VSTM2L: variants seen among roughly 807,000 people sequenced by gnomAD.
The protein encoded by VSTM2L is V-set and transmembrane domain containing 2 like.
VSTM2L carries 9 observed loss-of-function variants against 19.9 expected under a neutral mutation model. That is an observed-to-expected ratio of 0.45 (90% CI 0.27 to 0.79). The LOEUF (loss-of-function observed/expected upper bound fraction) is 0.79. Ranked by LOEUF, VSTM2L falls within the 30% of genes least tolerant of loss-of-function variation. The pLI is 0.15. For missense variants in VSTM2L, 286 were observed against 295.5 expected, an observed-to-expected ratio of 0.97 and a Z score of 0.24; for synonymous variants, 127 against 133.8, an observed-to-expected ratio of 0.95 and a Z score of 0.35.
At chr20:37,934,951 G>A (rs764265495) in intron 3 of VSTM2L, among the ~76,000 whole-genome samples, 8 of 152,126 alleles carry the variant, frequency 5.3e-5, no homozygotes, top group African/African-American at 1.9e-4. Context: ...TGCCAAGGGC[G>A]CATCCATATC....
chr20:37,930,161 C>T (rs1041551217), intron 1 of VSTM2L, among the ~76,000 whole-genome samples: 1 of 152,228 alleles, frequency 6.6e-6, no homozygotes, highest in Non-Finnish European at 1.5e-5. Context: ...GCCCAGAAAC[C>T]CACTGTTCAA....
intron 3 of VSTM2L, among the ~76,000 whole-genome samples, chr20:37,941,062 C>A (rs922183305): frequency 6.6e-6 from 1 of 152,182 alleles, no homozygotes; most frequent in Non-Finnish European, 1.5e-5. Flanking sequence ...CTGAGTATGA[C>A]TTCAGTTGGA....
In VSTM2L at chr20:37,934,851, G is replaced by A. The variant is rs187263497; in HGVS notation, c.342+1262G>A. ...AGCAAGGATCTTCAAAGCATCATTT[G>A]TGCTGTCTGGCCCAGGGCACAGTTG... On this transcript the variant is annotated intron_variant, in intron 3 of 3. Transcript: ENST00000373461. Among the ~76,000 whole-genome samples, 221 of 152,282 alleles carry A rather than the reference G, an allele frequency of 1.5e-3. 2 individuals are homozygous for A. The highest frequency in any genetic ancestry group is 5.0e-3 in the African/African-American group (206 of 41,546).
chr20:37,915,766 G>A (rs537466012), intron 1 of VSTM2L, among the ~76,000 whole-genome samples: 2 of 152,136 alleles, frequency 1.3e-5, no homozygotes, highest in South Asian at 4.2e-4. Context: ...GTCCTGGGTG[G>A]GGGGTCAGGT....
At chr20:37,923,933 A>C (rs2072866024) in intron 1 of VSTM2L, among the ~76,000 whole-genome samples, 1 of 152,324 alleles carries the variant, frequency 6.6e-6, no homozygotes, top group East Asian at 1.9e-4. Context: ...GGAACACGAG[A>C]AAATGTATGT....
At chr20:37,907,385 G>A (rs1173273752) in intron 1 of VSTM2L, among the ~76,000 whole-genome samples, 1 of 152,138 alleles carries the variant, frequency 6.6e-6, no homozygotes, top group East Asian at 1.9e-4. Flanking sequence ...GGGATTACAG[G>A]CATGAGCCAC....
intron 3 of VSTM2L, among the ~76,000 whole-genome samples, chr20:37,939,369 G>A (rs2072958643): frequency 6.6e-6 from 1 of 152,104 alleles, no homozygotes; most frequent in South Asian, 2.1e-4. Context: ...AGTGAGCCAT[G>A]ATCACGCCAG....
chr20:37,911,510 G>A (rs2072779473), intron 1 of VSTM2L, among the ~76,000 whole-genome samples: 4 of 152,238 alleles, frequency 2.6e-5, no homozygotes, highest in African/African-American at 9.6e-5. Flanking sequence ...GTGTGTGCTG[G>A]CACAAGGGCC....
Position 37,931,644 on chromosome 20 carries a change from C to T in VSTM2L, c.131C>T (p.Thr44Ile). The T allele has an allele frequency of 6.2e-7, 1 of 1,612,736 alleles. No individual in the cohort carries two copies. The highest frequency in any genetic ancestry group is 8.5e-7 in the Non-Finnish European group (1 of 1,179,830). The change falls in exon 2 of 4, where the codon ACA becomes ATA. Residue 44 changes from threonine to isoleucine, a missense_variant. Coordinates refer to ENST00000373461, the MANE Select transcript of VSTM2L (RefSeq NM_080607.3). ...CCTGTTTCTTGCACAGCCCTGTTCACAGAGACACCCCATGACATGACAGCA... is the reference window on the plus strand; with the variant it reads ...CCTGTTTCTTGCACAGCCCTGTTCATAGAGACACCCCATGACATGACAGCA... ...DNHVSGHALF[T>I]ETPHDMTART...
At chr20:37,908,052 C>T (rs1042147456) in intron 1 of VSTM2L, among the ~76,000 whole-genome samples, 5 of 152,184 alleles carry the variant, frequency 3.3e-5, no homozygotes, top group Non-Finnish European at 5.9e-5. Context: ...CTATCAATTA[C>T]GCCTGTAAAC....
intron 3 of VSTM2L, among the ~76,000 whole-genome samples, chr20:37,943,709 C>T (rs1420051466): frequency 6.6e-6 from 1 of 152,154 alleles, no homozygotes; most frequent in Admixed American, 6.5e-5. Context: ...ACTGAGCTCA[C>T]GTGCCTAGTT....
chr20:37,933,619 G>A lies in VSTM2L; in HGVS notation c.342+30G>A. The A allele has an allele frequency of 2.5e-6, 4 of 1,612,922 alleles. No individual in the cohort carries two copies. In the South Asian group the frequency reaches 4.4e-5, roughly 18 times the overall value. On this transcript the variant is annotated intron_variant, in intron 3 of 3. Transcript: ENST00000373461. ...GTTTTGATAATGACTTCTCGAAAGGGCTCTAATGGAGGGCACAGCTGTGAC... is the reference window on the plus strand; with the variant it reads ...GTTTTGATAATGACTTCTCGAAAGGACTCTAATGGAGGGCACAGCTGTGAC...
At chr20:37,943,003 C>T (rs906252331) in intron 3 of VSTM2L, among the ~76,000 whole-genome samples, 4 of 152,148 alleles carry the variant, frequency 2.6e-5, no homozygotes, top group Admixed American at 6.5e-5. Context: ...CTCGCGCTGT[C>T]GCCCAGGCTG....
intron 1 of VSTM2L, among the ~76,000 whole-genome samples, chr20:37,913,802 G>A (rs963758904): frequency 1.3e-5 from 2 of 152,216 alleles, no homozygotes; most frequent in African/African-American, 4.8e-5. Context: ...AGAAAAGCAG[G>A]CTGCAGCTGG....
intron 1 of VSTM2L, among the ~76,000 whole-genome samples, chr20:37,905,707 G>C (rs935107988): frequency 1.3e-5 from 2 of 152,172 alleles, no homozygotes; most frequent in African/African-American, 2.4e-5. Flanking sequence ...GACATTGCCA[G>C]GTTCAAAGTC....
intron 1 of VSTM2L, among the ~76,000 whole-genome samples, chr20:37,926,635 A>G (rs922332586): frequency 6.6e-6 from 1 of 152,242 alleles, no homozygotes; most frequent in Admixed American, 6.5e-5. Context: ...TTACTTTTGC[A>G]CTAACCTATA....
At chr20:37,932,040 A>G (rs1411818470) in intron 2 of VSTM2L, among the ~76,000 whole-genome samples, 4 of 152,190 alleles carry the variant, frequency 2.6e-5, no homozygotes, top group Non-Finnish European at 4.4e-5. Flanking sequence ...AAATGGCCAC[A>G]GCAAGGAGGG....
chr20:37,925,239 C>T (rs944758843), intron 1 of VSTM2L, among the ~76,000 whole-genome samples: 2 of 152,028 alleles, frequency 1.3e-5, no homozygotes, highest in South Asian at 4.2e-4. Context: ...CTTCAAGGCC[C>T]CTCCTCTCCC....
intron 1 of VSTM2L, among the ~76,000 whole-genome samples, chr20:37,928,647 C>CG (rs1355917547): frequency 8.6e-5 from 13 of 152,022 alleles, no homozygotes; most frequent in Admixed American, 2.6e-4. Context: ...TCCAGCTACT[C>CG]GGGGGGCTGA....
Sources: allele counts gnomAD v4.1 joint callset (sites outside exome capture counted in the v4.1 genomes callset), GRCh38; gene constraint gnomAD v4.1.1; transcripts MANE v1.5; gene names NCBI Gene and HGNC (gene_info 2026-07-23, HGNC 2026-07-21).